The following ACKR3 variants were observed in gnomAD, a reference collection of about 807,000 sequenced individuals.
The protein encoded by ACKR3 is atypical chemokine receptor 3, also known as C-X-C chemokine receptor type 7.
In ACKR3, 6 loss-of-function variants were observed where a neutral mutation model predicts 22.4. That is an observed-to-expected ratio of 0.27 (90% CI 0.15 to 0.53). The LOEUF (loss-of-function observed/expected upper bound fraction) is 0.53, where lower values mean the gene tolerates loss of function less well. ACKR3 is among the 20% of genes least tolerant of loss of function. ACKR3 has a pLI of 0.96. For synonymous variants in ACKR3, 209 were observed against 205.2 expected (o/e 1.02, Z -0.16); for missense variants, 396 against 475.2 (o/e 0.83, Z 1.55).
chr2:236,578,152 G>T (rs1255817061), intron 1 of ACKR3, among the ~76,000 whole-genome samples: 1 of 152,198 alleles, frequency 6.6e-6, no homozygotes, highest in Non-Finnish European at 1.5e-5. Context: ...GGGTCATTTG[G>T]TGGCCAAGGA....
At chr2:236,568,248 C>T (rs972203747), upstream of ACKR3, among the ~76,000 whole-genome samples, 3 of 152,218 alleles carry the variant, frequency 2.0e-5, no homozygotes, top group South Asian at 2.1e-4. Flanking sequence ...GGACAGGCCC[C>T]GGAGTCACGG....
chr2:236,556,116 G>A, the ACKR3 span, among the ~76,000 whole-genome samples: 1 of 152,170 alleles, frequency 6.6e-6, no homozygotes, highest in African/African-American at 2.4e-5. Context: ...AGTCCATGTG[G>A]GGTGAGGGGA....
In ACKR3 at chr2:236,577,417, G is replaced by A. The variant is rs947657019; in HGVS notation, c.-26-3023G>A. Among the ~76,000 whole-genome samples, 1 of 152,186 alleles carries A rather than the reference G, an allele frequency of 6.6e-6. No homozygotes were observed. The highest frequency in any genetic ancestry group is 1.5e-5 in the Non-Finnish European group (1 of 68,026). On this transcript the variant is annotated intron_variant, in intron 1 of 1. Transcript: ENST00000272928. This position sits in a 1 kb window ranked among gnomAD's most constrained non-coding sequence, Gnocchi z 5.6. ...AAGGTAGAAAGCCAAGGGCTGGATG[G>A]GGGTCCCTGAGCCCTTTTCCACCTC... is the stretch of plus-strand genomic sequence containing the variant.
chr2:236,578,204 C>G (rs940147538), intron 1 of ACKR3, among the ~76,000 whole-genome samples: 1 of 152,188 alleles, frequency 6.6e-6, no homozygotes, highest in Non-Finnish European at 1.5e-5. Context: ...TGGGGTTGCC[C>G]GTCCACCCTG....
chr2:236,552,059 C>T, the ACKR3 span, among the ~76,000 whole-genome samples: 10 of 152,164 alleles, frequency 6.6e-5, no homozygotes, highest in South Asian at 6.2e-4. Flanking sequence ...GTCTCTACCC[C>T]CGTAGAACTT....
chr2:236,547,942 T>TC, the ACKR3 span, among the ~76,000 whole-genome samples: 41,919 of 151,872 alleles, frequency 0.28, 9,376 homozygotes, highest in African/African-American at 0.63. Context: ...TTTCATCAAT[T>TC]TGGAAAACTC....
At chr2:236,570,695 T>C (rs1253232155) in intron 1 of ACKR3, among the ~76,000 whole-genome samples, 1 of 152,202 alleles carries the variant, frequency 6.6e-6, no homozygotes, top group Non-Finnish European at 1.5e-5. Flanking sequence ...GTGGATTTTG[T>C]TCAATTTTGT....
the ACKR3 span, among the ~76,000 whole-genome samples, chr2:236,542,384 G>A: frequency 6.6e-6 from 1 of 152,202 alleles, no homozygotes; most frequent in Non-Finnish European, 1.5e-5. Flanking sequence ...AGGCAAGGTA[G>A]CAGTTGACTT....
intron 1 of ACKR3, among the ~76,000 whole-genome samples, chr2:236,570,459 A>G (rs1308292509): frequency 6.6e-6 from 1 of 152,232 alleles, no homozygotes; most frequent in East Asian, 1.9e-4. Context: ...TCCAAGATGT[A>G]TTTGAATTCA....
chr2:236,579,463 A>G (rs1691476817), intron 1 of ACKR3, among the ~76,000 whole-genome samples: 1 of 152,214 alleles, frequency 6.6e-6, no homozygotes, highest in Non-Finnish European at 1.5e-5. Flanking sequence ...AGTAGAAGAC[A>G]GCCCCTGTCA....
chr2:236,538,454 C>G, the ACKR3 span, among the ~76,000 whole-genome samples: 3 of 152,196 alleles, frequency 2.0e-5, no homozygotes, highest in Non-Finnish European at 2.9e-5. Context: ...GGCTCACCAC[C>G]CTGACCTTGG....
At chr2:236,544,772 G>A in the ACKR3 span, among the ~76,000 whole-genome samples, 2 of 152,188 alleles carry the variant, frequency 1.3e-5, no homozygotes, top group Non-Finnish European at 2.9e-5. The surrounding 1 kb of genome is among the most constrained non-coding windows in gnomAD (Gnocchi z 5.0). Flanking sequence ...CCAGGAATTC[G>A]AGGTACCAGG....
chr2:236,582,089 T>A lies in ACKR3; in HGVS notation c.*535T>A, dbSNP rs1041763159. 2 of 164,516 alleles carry A rather than the reference T, an allele frequency of 1.2e-5. No individual in the cohort carries two copies. Among genetic ancestry groups the A allele is most frequent in the Admixed American group, 1.3e-4 (2 of 15,000 alleles). 10.2% of individuals were successfully genotyped at this position (164,516 alleles called of 1,614,324 possible). A position where few individuals can be genotyped will look rare whatever the true frequency, so the allele number is the denominator to read the frequency against. On this transcript the variant is annotated 3_prime_UTR_variant, in exon 2 of 2. Coordinates refer to ENST00000272928, the MANE Select transcript of ACKR3 (RefSeq NM_020311.3). ...ATATATATATAAATATATATAAATA[T>A]ATAAATATATGCCAGTCTTGGCTGA...
the ACKR3 span, among the ~76,000 whole-genome samples, chr2:236,546,689 T>G: frequency 6.6e-6 from 1 of 152,144 alleles, no homozygotes; most frequent in Non-Finnish European, 1.5e-5. This position sits in a 1 kb window ranked among gnomAD's most constrained non-coding sequence, Gnocchi z 4.9. Flanking sequence ...GGCAAACAGA[T>G]GTGGGCAGTG....
the ACKR3 span, among the ~76,000 whole-genome samples, chr2:236,544,169 T>C: frequency 3.3e-5 from 5 of 151,400 alleles, no homozygotes; most frequent in East Asian, 7.8e-4. The surrounding 1 kb of genome is among the most constrained non-coding windows in gnomAD (Gnocchi z 5.0). Context: ...TTTGTATTTT[T>C]AGTAGAGATG....
At chr2:236,543,664 G>A in the ACKR3 span, among the ~76,000 whole-genome samples, 1 of 151,974 alleles carries the variant, frequency 6.6e-6, no homozygotes, top group Admixed American at 6.6e-5. Flanking sequence ...AGGGGTAACT[G>A]CAAGTGAAAT....
At chr2:236,566,718 C>CGCTTCCTTCCTTCCTTCCTT (rs1691187039), upstream of ACKR3, among the ~76,000 whole-genome samples, 11 of 114,490 alleles carry the variant, frequency 9.6e-5, no homozygotes, top group African/African-American at 4.5e-4. Context: ...TCCTTTCCTT[C>CGCTTCCTTCCTTCCTTCCTT]CCTTCCTTCC....
chr2:236,554,218 TTATACAAATATG>T, the ACKR3 span, among the ~76,000 whole-genome samples: 2 of 152,216 alleles, frequency 1.3e-5, no homozygotes, highest in Non-Finnish European at 2.9e-5. Context: ...TTCATGCATC[TTATACAAATATG>T]TATAATGTGG....
chr2:236,558,190 C>A, the ACKR3 span, among the ~76,000 whole-genome samples: 7 of 152,180 alleles, frequency 4.6e-5, no homozygotes, highest in Admixed American at 2.0e-4. Flanking sequence ...GATGCATCTC[C>A]GTGCCTGCTC....
Sources: allele counts gnomAD v4.1 joint callset (sites outside exome capture counted in the v4.1 genomes callset), GRCh38; gene constraint gnomAD v4.1.1; non-coding constraint Gnocchi (gnomAD v3.1); transcripts MANE v1.5; gene names NCBI Gene and HGNC (gene_info 2026-07-23, HGNC 2026-07-21).